ANKHD1: variants seen among roughly 807,000 people sequenced by gnomAD.
ANKHD1 encodes ankyrin repeat and KH domain containing 1.
Under a neutral mutation model 230.5 loss-of-function variants are expected in ANKHD1, and 31 were observed. That is an observed-to-expected ratio of 0.13 (90% CI 0.10 to 0.18). The LOEUF (loss-of-function observed/expected upper bound fraction) is 0.18. ANKHD1 is among the 10% of genes least tolerant of loss of function. ANKHD1 has a pLI of 1.00. For missense variants in ANKHD1, 2,256 were observed against 3,071.3 expected, an observed-to-expected ratio of 0.73 and a Z score of 6.27; for synonymous variants, 1,074 against 1,117.6, an observed-to-expected ratio of 0.96 and a Z score of 0.78.
chr5:140,425,401 T>C (rs973317942), intron 1 of ANKHD1, among the ~76,000 whole-genome samples: 1 of 152,112 alleles, frequency 6.6e-6, no homozygotes, highest in African/African-American at 2.4e-5. Context: ...GCTGGGACTA[T>C]AGGTATGCAC....
chr5:140,441,057 G>C lies in ANKHD1; in HGVS notation c.828G>C (p.Leu276=). The C allele has an allele frequency of 6.2e-7, 1 of 1,612,364 alleles. No individual in the cohort carries two copies. The highest frequency in any genetic ancestry group is 8.5e-7 in the Non-Finnish European group (1 of 1,179,380). The change falls in exon 5 of 34, where the codon CTG becomes CTC. Residue 276 remains leucine, a synonymous_variant. Coordinates refer to ENST00000360839, the MANE Select transcript of ANKHD1 (RefSeq NM_017747.3). ...GGAATAAAGGAGACATAACTCCCCTGATGGCAGCTTCCAGTGGAGGTTACT... is the reference window on the plus strand; with the variant it reads ...GGAATAAAGGAGACATAACTCCCCTCATGGCAGCTTCCAGTGGAGGTTACT... ...DRGNKGDITP[L]MAASSGGYLD...
intron 14 of ANKHD1, among the ~76,000 whole-genome samples, chr5:140,490,788 G>A (rs1751737777): frequency 6.6e-6 from 1 of 151,984 alleles, no homozygotes; most frequent in Admixed American, 6.6e-5. Context: ...CTCCTGAGGA[G>A]TAATTTCCTT....
At chr5:140,445,698 T>C (rs763705128) in intron 5 of ANKHD1, 44 bp from the exon 6 acceptor site, 35 of 1,395,032 alleles carry the variant, frequency 2.5e-5, no homozygotes, top group South Asian at 3.8e-5. Context: ...ATTTTTTAAA[T>C]ATATATTCTG....
chr5:140,432,439 A>G (rs553109490), intron 1 of ANKHD1, among the ~76,000 whole-genome samples: 2 of 152,354 alleles, frequency 1.3e-5, no homozygotes, highest in South Asian at 4.1e-4. Flanking sequence ...ATTCAATTGC[A>G]TGGATATATA....
intron 24 of ANKHD1, among the ~76,000 whole-genome samples, chr5:140,520,489 T>C (rs1753281457): frequency 1.3e-5 from 2 of 152,064 alleles, no homozygotes; most frequent in South Asian, 2.1e-4. Flanking sequence ...CGTATGTTTA[T>C]TGCGGCATTA....
At chr5:140,430,250 C>G (rs1282605363) in intron 1 of ANKHD1, among the ~76,000 whole-genome samples, 1 of 152,172 alleles carries the variant, frequency 6.6e-6, no homozygotes, top group Admixed American at 6.5e-5. Context: ...CTTTACCACT[C>G]TTTTTCCTCC....
At chr5:140,419,774 T>C (rs947789932) in intron 1 of ANKHD1, among the ~76,000 whole-genome samples, 3 of 86,940 alleles carry the variant, frequency 3.5e-5, no homozygotes, top group East Asian at 4.6e-4. Flanking sequence ...TTTCCTTTCT[T>C]TTTCTTTCTT....
chr5:140,478,859 G>A (rs963859641), intron 10 of ANKHD1, among the ~76,000 whole-genome samples: 1 of 152,068 alleles, frequency 6.6e-6, no homozygotes, highest in Non-Finnish European at 1.5e-5. Flanking sequence ...GGTCAGGCTG[G>A]TCTGGAACTC....
intron 1 of ANKHD1, among the ~76,000 whole-genome samples, chr5:140,406,263 TA>T (rs1187560739): frequency 6.6e-6 from 1 of 151,978 alleles, no homozygotes; most frequent in Non-Finnish European, 1.5e-5. Context: ...TAAATTATTT[TA>T]GAAACAAGTA....
At chr5:140,466,743 C>G (rs913072554) in intron 10 of ANKHD1, among the ~76,000 whole-genome samples, 1 of 152,038 alleles carries the variant, frequency 6.6e-6, no homozygotes, top group Non-Finnish European at 1.5e-5. Context: ...GTCAGGAATT[C>G]GAGACCAGCC....
At chr5:140,416,798 T>A (rs1218053269) in intron 1 of ANKHD1, among the ~76,000 whole-genome samples, 3 of 151,906 alleles carry the variant, frequency 2.0e-5, no homozygotes, top group Admixed American at 6.6e-5. Context: ...TCTTCTTTTT[T>A]AAGATTATTT....
At chr5:140,477,803 G>A (rs999870366) in intron 10 of ANKHD1, among the ~76,000 whole-genome samples, 3 of 152,086 alleles carry the variant, frequency 2.0e-5, no homozygotes, top group Non-Finnish European at 4.4e-5. Context: ...GTAGAGATGG[G>A]GTTTCACCAT....
intron 29 of ANKHD1, among the ~76,000 whole-genome samples, chr5:140,533,832 T>TA (rs549549124): frequency 1.5e-3 from 175 of 118,312 alleles, no homozygotes; most frequent in Admixed American, 2.9e-3. Context: ...TTCATTTCAA[T>TA]AAAAAAAGAA....
At chr5:140,414,837 C>CA (rs35534779) in intron 1 of ANKHD1, among the ~76,000 whole-genome samples, 88,245 of 138,692 alleles carry the variant, frequency 0.64, 27,883 homozygotes, top group East Asian at 0.84. Flanking sequence ...GACCCTGTCT[C>CA]AAAAAAAAAA....
At chr5:140,508,695 GCACTGAGCAGAGAT>G (rs994644002) in intron 20 of ANKHD1, among the ~76,000 whole-genome samples, 1 of 151,996 alleles carries the variant, frequency 6.6e-6, no homozygotes, top group African/African-American at 2.4e-5. Flanking sequence ...GGTGGAGGTT[GCACTGAGCAGAGAT>G]CACGCCATTG....
chr5:140,428,399 C>T (rs571107317), intron 1 of ANKHD1, among the ~76,000 whole-genome samples: 2 of 152,256 alleles, frequency 1.3e-5, no homozygotes, highest in South Asian at 2.1e-4. Context: ...CTCGGGAGGC[C>T]GAGGCTGGCG....
intron 13 of ANKHD1, among the ~76,000 whole-genome samples, chr5:140,486,393 G>A (rs1401150892): frequency 6.6e-6 from 1 of 152,070 alleles, no homozygotes; most frequent in Non-Finnish European, 1.5e-5. Flanking sequence ...ACCTCCCAAG[G>A]TAGTATTAAT....
At chr5:140,426,094 A>G (rs960248582) in intron 1 of ANKHD1, among the ~76,000 whole-genome samples, 4 of 152,186 alleles carry the variant, frequency 2.6e-5, no homozygotes, top group South Asian at 2.1e-4. Context: ...TGTTTAAAAT[A>G]CCTTCCCATT....
At chr5:140,517,079 A>G (rs1333026442) in intron 24 of ANKHD1, among the ~76,000 whole-genome samples, 2 of 147,822 alleles carry the variant, frequency 1.4e-5, no homozygotes. Context: ...GGCTCAAAAT[A>G]AAAGGATGGA....
Sources: gnomAD v4.1 joint callset for allele counts (sites outside exome capture counted in the v4.1 genomes callset) on GRCh38, gnomAD v4.1.1 for gene constraint, MANE v1.5 for transcripts, NCBI Gene and HGNC (gene_info 2026-07-23, HGNC 2026-07-21) for gene names.